SND1: variants seen among roughly 807,000 people sequenced by gnomAD.
SND1 encodes the protein staphylococcal nuclease domain-containing protein 1.
In SND1, 38 loss-of-function variants were observed where a neutral mutation model predicts 121.7. The observed-to-expected ratio is 0.31, with a 90% CI of 0.24 to 0.41. The LOEUF (loss-of-function observed/expected upper bound fraction) is 0.41. Among genes scored for constraint, SND1 ranks in the 10% least tolerant of loss-of-function variants. The pLI, the probability that SND1 is intolerant of heterozygous loss-of-function variation, is 1.00. For missense variants in SND1, 868 were observed against 1,184.6 expected (o/e 0.73, Z 3.92); for synonymous variants, 401 against 447.4 (o/e 0.90, Z 1.31).
intron 11 of SND1, among the ~76,000 whole-genome samples, chr7:127,812,447 TACAG>T (rs992575349): frequency 1.4e-4 from 21 of 152,340 alleles, no homozygotes; most frequent in Admixed American, 2.6e-4. Flanking sequence ...CGCCTAAATA[TACAG>T]ACAATGTGAA....
intron 10 of SND1, among the ~76,000 whole-genome samples, chr7:127,726,752 G>T (rs1226148566): frequency 1.3e-5 from 2 of 152,198 alleles, no homozygotes; most frequent in East Asian, 3.9e-4. Flanking sequence ...TGTTCTTGCG[G>T]TGCTATTGTA....
chr7:128,064,299 T>C (rs527758823), intron 16 of SND1, among the ~76,000 whole-genome samples: 131 of 152,246 alleles, frequency 8.6e-4, no homozygotes, highest in Non-Finnish European at 1.4e-3. Flanking sequence ...CATCTGACCA[T>C]GGTGCTGCAC....
intron 10 of SND1, among the ~76,000 whole-genome samples, chr7:127,793,775 G>A (rs1444659073): frequency 6.6e-6 from 1 of 152,160 alleles, no homozygotes; most frequent in Non-Finnish European, 1.5e-5. Flanking sequence ...CAGTTATAGA[G>A]CGAGAAGTTC....
intron 15 of SND1, among the ~76,000 whole-genome samples, chr7:127,962,203 A>G (rs1486429128): frequency 6.6e-6 from 1 of 152,200 alleles, no homozygotes; most frequent in Non-Finnish European, 1.5e-5. Flanking sequence ...TGGAAGGAAG[A>G]TGGGGAAAGG....
At chr7:127,980,589 T>G (rs148347156) in intron 15 of SND1, among the ~76,000 whole-genome samples, 2 of 152,236 alleles carry the variant, frequency 1.3e-5, no homozygotes, top group East Asian at 3.9e-4. Flanking sequence ...TCTCTAGACA[T>G]TTGGAATTCA....
intron 10 of SND1, among the ~76,000 whole-genome samples, chr7:127,751,179 G>A (rs1029707828): frequency 1.3e-5 from 2 of 152,014 alleles, no homozygotes; most frequent in Non-Finnish European, 2.9e-5. Context: ...CGTGCTGAAA[G>A]CCATTCAGTC....
chr7:128,085,801 T>A lies in SND1; in HGVS notation c.2304+21T>A. 2 of 1,604,900 alleles carry A rather than the reference T, an allele frequency of 1.2e-6. No individual in the cohort carries two copies. Among genetic ancestry groups the A allele is most frequent in the Non-Finnish European group, 1.7e-6 (2 of 1,171,988 alleles). On this transcript the variant is annotated intron_variant, in intron 20 of 23. Transcript: ENST00000354725. The surrounding 1 kb of genome is among the most constrained non-coding windows in gnomAD (Gnocchi z 4.4). ...GCAACGTGAGTGTTGGGGACCAGAG[T>A]GTTGGAGGGGCTATCAAACACAGCA...
chr7:127,906,657 T>C (rs1800347354), intron 14 of SND1, among the ~76,000 whole-genome samples: 1 of 152,122 alleles, frequency 6.6e-6, no homozygotes, highest in Non-Finnish European at 1.5e-5. Flanking sequence ...GCTCTCTCCT[T>C]GGGCCCACCT....
At chr7:127,921,338 C>T (rs1172237119) in intron 14 of SND1, among the ~76,000 whole-genome samples, 1 of 152,078 alleles carries the variant, frequency 6.6e-6, no homozygotes, top group Non-Finnish European at 1.5e-5. Flanking sequence ...TAACCCCTTG[C>T]TTTCTCATCT....
rs553077235 is a variant in SND1, at chr7:127,978,811, C to T, written c.1670-12136C>T. Reference sequence around the variant, plus strand: ...AAGCGATTCTCCTGCGTCAGCCTGCCGAGTAGCTGGGATTACAGGCGCACA... The same window carrying T: ...AAGCGATTCTCCTGCGTCAGCCTGCTGAGTAGCTGGGATTACAGGCGCACA... On this transcript the variant is annotated intron_variant, in intron 15 of 23. Transcript: ENST00000354725. 7.2e-5 allele frequency among the ~76,000 whole-genome samples: 11 copies of T among 152,192 alleles called. No individual in the cohort carries two copies. In the East Asian group the frequency reaches 7.7e-4, roughly 11 times the overall value.
chr7:128,080,179 G>T (rs953314280), intron 17 of SND1, among the ~76,000 whole-genome samples: 2 of 152,270 alleles, frequency 1.3e-5, no homozygotes, highest in Non-Finnish European at 2.9e-5. Context: ...GTGTGCGTCT[G>T]TGGGACCCCA....
At position 128,034,652 on chromosome 7, in the gene SND1, A is replaced by T. The variant is rs573560261; in HGVS notation, c.1780-39850A>T. ...TGGGTCAGACCAGTACTTAGTAATG[A>T]GGTTGTCTCTCAGTAAGTATTTGTG... On this transcript the variant is annotated intron_variant, in intron 16 of 23. Transcript: ENST00000354725. Among the ~76,000 whole-genome samples, 16 of 152,300 alleles carry T rather than the reference A, an allele frequency of 1.1e-4. No homozygotes were observed. In the South Asian group the frequency reaches 3.3e-3, roughly 32 times the overall value.
intron 11 of SND1, among the ~76,000 whole-genome samples, chr7:127,838,776 T>A (rs1180389229): frequency 6.6e-6 from 1 of 152,240 alleles, no homozygotes; most frequent in Non-Finnish European, 1.5e-5. Context: ...ATGATTTAAA[T>A]CAACATGTAT....
intron 10 of SND1, among the ~76,000 whole-genome samples, chr7:127,800,860 T>C (rs1798114126): frequency 6.6e-6 from 1 of 152,234 alleles, no homozygotes; most frequent in Admixed American, 6.5e-5. Context: ...TTTTGCTGCT[T>C]ACATAGCTCT....
At chr7:128,019,129 TTCA>T (rs1191170908) in intron 16 of SND1, among the ~76,000 whole-genome samples, 2 of 152,116 alleles carry the variant, frequency 1.3e-5, no homozygotes, top group Non-Finnish European at 2.9e-5. Context: ...TTGAACTGAG[TTCA>T]TCAACTCATC....
intron 13 of SND1, chr7:127,904,385 G>T (rs1233767118): frequency 1.9e-5 from 3 of 160,450 alleles, no homozygotes; most frequent in South Asian, 2.0e-4. Context: ...GATTAAACAC[G>T]GAAAGAAATG....
intron 16 of SND1, among the ~76,000 whole-genome samples, chr7:128,003,420 T>C (rs1025921620): frequency 6.6e-6 from 1 of 152,100 alleles, no homozygotes; most frequent in Non-Finnish European, 1.5e-5. Flanking sequence ...TTCTCCCCTT[T>C]CCCTTCTCTT....
At chr7:127,946,939 C>T (rs774512851) in intron 15 of SND1, among the ~76,000 whole-genome samples, 5 of 152,296 alleles carry the variant, frequency 3.3e-5, no homozygotes, top group Non-Finnish European at 7.4e-5. Flanking sequence ...GGTCAGATTG[C>T]TTCTCACATC....
At chr7:127,986,825 G>A (rs1195537558) in intron 15 of SND1, among the ~76,000 whole-genome samples, 1 of 152,214 alleles carries the variant, frequency 6.6e-6, no homozygotes, top group African/African-American at 2.4e-5. Flanking sequence ...GTCCCCCCAT[G>A]GGGGATCTGT....
Sources: allele counts gnomAD v4.1 joint callset (sites outside exome capture counted in the v4.1 genomes callset), GRCh38; gene constraint gnomAD v4.1.1; non-coding constraint Gnocchi (gnomAD v3.1); transcripts MANE v1.5; gene names NCBI Gene and HGNC (gene_info 2026-07-23, HGNC 2026-07-21).